Variants in ARHGAP42 observed in about 807,000 individuals in gnomAD.
ARHGAP42 encodes Rho GTPase activating protein 42.
A neutral mutation model predicts 125.0 loss-of-function variants in ARHGAP42; 63 were observed. The observed-to-expected ratio is 0.50, with a 90% CI of 0.41 to 0.62. The LOEUF is 0.62. ARHGAP42 is among the 20% of genes least tolerant of loss of function. The pLI, the probability that ARHGAP42 is intolerant of heterozygous loss-of-function variation, is 0.00. For synonymous variants in ARHGAP42, 339 were observed against 351.0 expected (o/e 0.97, Z 0.38); for missense variants, 766 against 1,024.2 (o/e 0.75, Z 3.44).
Position 100,974,523 on chromosome 11 carries a change from GA to G in ARHGAP42, c.1777del (p.Arg593GlyfsTer125). The G allele has an allele frequency of 6.4e-7, 1 of 1,550,970 alleles. No individual in the cohort carries two copies. Among genetic ancestry groups the G allele is most frequent in the Non-Finnish European group, 8.7e-7 (1 of 1,146,718 alleles). On this transcript the variant is annotated frameshift_variant, in exon 19 of 24. Coordinates refer to ENST00000298815, the MANE Select transcript of ARHGAP42 (RefSeq NM_152432.4). LOFTEE classifies it high-confidence loss of function. ...LPQPQSRSGS[R>X]RTRAICLSTG... ...CAGCCTCAGTCTCGATCTGGATCCC[GA>G]AGGACACGAGCAATCTGCCTCTCTA...
rs1238672387 is a variant in ARHGAP42 at position 100,992,725 on chromosome 11, T to C, written c.*3924T>C. The C allele has an allele frequency of 2.0e-6, 3 of 1,532,280 alleles. No individual in the cohort carries two copies. The Admixed American group carries it at 6.7e-5, about 34-fold the overall frequency. 94.9% of individuals were successfully genotyped at this position (1,532,280 alleles called of 1,614,324 possible). ...GTGGACTTTTAGAGGATCAAATCAA[T>C]AAATTGGATTTTTTATTTTTTGAGG... On this transcript the variant is annotated 3_prime_UTR_variant, in exon 24 of 24. Transcript: ENST00000298815.
intron 4 of ARHGAP42, among the ~76,000 whole-genome samples, chr11:100,884,682 C>T (rs974818440): frequency 2.6e-5 from 4 of 152,076 alleles, no homozygotes; most frequent in Non-Finnish European, 5.9e-5. Flanking sequence ...TCCGTGTCCC[C>T]CCAACCCCGT....
intron 1 of ARHGAP42, among the ~76,000 whole-genome samples, chr11:100,731,837 G>C (rs944188867): frequency 6.6e-6 from 1 of 152,094 alleles, no homozygotes; most frequent in Non-Finnish European, 1.5e-5. Flanking sequence ...CTTTCACACA[G>C]AGCCCTTCCC....
chr11:100,975,892 C>T (rs1003711417), intron 19 of ARHGAP42, among the ~76,000 whole-genome samples, 165 bp from the exon 20 acceptor site: 1 of 152,164 alleles, frequency 6.6e-6, no homozygotes, highest in African/African-American at 2.4e-5. Flanking sequence ...TAAAGCCTTT[C>T]TCCAGTACTG....
At chr11:100,897,137 A>T (rs893512353) in intron 4 of ARHGAP42, among the ~76,000 whole-genome samples, 1 of 152,174 alleles carries the variant, frequency 6.6e-6, no homozygotes, top group African/African-American at 2.4e-5. Context: ...TTTGTCAAAG[A>T]TCAGATGGTT....
chr11:100,956,510 G>T lies in ARHGAP42; in HGVS notation c.1163-3373G>T, dbSNP rs528922713. Among the ~76,000 whole-genome samples, 5 of 152,274 alleles carry T rather than the reference G, an allele frequency of 3.3e-5. No homozygotes were observed. In the South Asian group the frequency reaches 8.3e-4, roughly 25 times the overall value. ...AGCCACATACTGGCTCTTAGTGGCT[G>T]CTGGGTAAAGACACATGTCACTTCT... On this transcript the variant is annotated intron_variant, in intron 12 of 23. Coordinates refer to ENST00000298815, the MANE Select transcript of ARHGAP42 (RefSeq NM_152432.4).
chr11:100,986,376 G>A (rs920769436), intron 22 of ARHGAP42: 2 of 274,356 alleles, frequency 7.3e-6, no homozygotes, highest in African/African-American at 2.3e-5. Context: ...TGGCATGTTT[G>A]AAGGAAAGAA....
intron 22 of ARHGAP42, among the ~76,000 whole-genome samples, chr11:100,980,029 A>T (rs935854262): frequency 6.6e-6 from 1 of 152,364 alleles, no homozygotes; most frequent in African/African-American, 2.4e-5. Context: ...AAGAATAACA[A>T]TAACAATAAC....
intron 1 of ARHGAP42, among the ~76,000 whole-genome samples, chr11:100,747,421 G>T (rs1205056797): frequency 6.6e-6 from 1 of 152,138 alleles, no homozygotes; most frequent in Non-Finnish European, 1.5e-5. Context: ...AATTTTTAAT[G>T]TCTGACCATA....
In ARHGAP42 at chr11:100,713,075, G is replaced by C. The variant is rs1280638926; in HGVS notation, c.154+25243G>C. Reference sequence around the variant, plus strand: ...TTTGTGGACAAATTAATTATACCAGGTGTTCCCATTAAGACATAACTAGTA... The same window carrying C: ...TTTGTGGACAAATTAATTATACCAGCTGTTCCCATTAAGACATAACTAGTA... On this transcript the variant is annotated intron_variant, in intron 1 of 23. Transcript: ENST00000298815. Among the ~76,000 whole-genome samples the C allele has an allele frequency of 4.6e-5, 7 of 152,118 alleles. 1 individual carries two copies. The South Asian group carries it at 1.5e-3, about 32-fold the overall frequency.
intron 1 of ARHGAP42, among the ~76,000 whole-genome samples, chr11:100,698,539 G>A (rs1253288116): frequency 6.6e-6 from 1 of 152,132 alleles, no homozygotes; most frequent in Non-Finnish European, 1.5e-5. Flanking sequence ...GCCGGGCATG[G>A]TGGCGCATGC....
chr11:100,777,632 A>G (rs1278478251), intron 2 of ARHGAP42, among the ~76,000 whole-genome samples: 1 of 152,246 alleles, frequency 6.6e-6, no homozygotes, highest in Non-Finnish European at 1.5e-5. Flanking sequence ...TCTATAGTGT[A>G]GAAACACTTT....
intron 1 of ARHGAP42, among the ~76,000 whole-genome samples, chr11:100,696,085 G>T (rs1035052861): frequency 2.6e-5 from 4 of 152,090 alleles, no homozygotes; most frequent in Admixed American, 6.6e-5. Flanking sequence ...ATTAGCTGGT[G>T]TAGTGATGCG....
At chr11:100,846,656 G>A (rs1388042183) in intron 3 of ARHGAP42, among the ~76,000 whole-genome samples, 2 of 152,064 alleles carry the variant, frequency 1.3e-5, no homozygotes, top group Admixed American at 1.3e-4. Flanking sequence ...CTCATAATCT[G>A]GATGGGAAGA....
Position 100,871,638 on chromosome 11 carries a change from T to C in ARHGAP42, c.384+12013T>C, listed in dbSNP as rs1865699108. Among the ~76,000 whole-genome samples the C allele has an allele frequency of 2.6e-5, 4 of 152,194 alleles. No individual in the cohort carries two copies. In the South Asian group the frequency reaches 8.3e-4, roughly 32 times the overall value. ...GTTACATCAGAAATACATACAATTT[T>C]CATGTTTATTCTATGAACAAAATGT... On this transcript the variant is annotated intron_variant, in intron 4 of 23. Coordinates refer to ENST00000298815, the MANE Select transcript of ARHGAP42 (RefSeq NM_152432.4).
intron 4 of ARHGAP42, among the ~76,000 whole-genome samples, chr11:100,881,336 TC>T (rs1389989878): frequency 6.6e-6 from 1 of 152,206 alleles, no homozygotes; most frequent in African/African-American, 2.4e-5. Context: ...GAATAGGACA[TC>T]CTTTCCCTGC....
intron 22 of ARHGAP42, among the ~76,000 whole-genome samples, chr11:100,984,200 T>A (rs1361979883): frequency 6.6e-6 from 1 of 151,942 alleles, no homozygotes; most frequent in African/African-American, 2.4e-5. Context: ...TAAACTGTCA[T>A]GGGCAATTTA....
intron 4 of ARHGAP42, among the ~76,000 whole-genome samples, chr11:100,882,302 A>G (rs772727397): frequency 2.0e-5 from 3 of 152,154 alleles, no homozygotes; most frequent in Non-Finnish European, 4.4e-5. Flanking sequence ...TTAATCATAA[A>G]GGGGTGCTGG....
intron 2 of ARHGAP42, among the ~76,000 whole-genome samples, chr11:100,788,375 G>A (rs1317738447): frequency 2.6e-5 from 4 of 152,176 alleles, no homozygotes; most frequent in African/African-American, 9.7e-5. Context: ...AAATTTCCAT[G>A]TGTTTTTCAT....
Sources: gnomAD v4.1 joint callset for allele counts (sites outside exome capture counted in the v4.1 genomes callset) on GRCh38, gnomAD v4.1.1 for gene constraint, MANE v1.5 for transcripts, NCBI Gene and HGNC (gene_info 2026-07-23, HGNC 2026-07-21) for gene names.